CCDC30: variants seen among roughly 807,000 people sequenced by gnomAD.
CCDC30 encodes the protein coiled-coil domain containing 30, also known as coiled-coil domain-containing protein 30.
In CCDC30, 70 loss-of-function variants were observed where a neutral mutation model predicts 100.2. That is an observed-to-expected ratio of 0.70 (90% CI 0.58 to 0.85). The LOEUF (loss-of-function observed/expected upper bound fraction) is 0.85, where lower values mean the gene tolerates loss of function less well. Among genes scored for constraint, CCDC30 ranks in the 40% least tolerant of loss-of-function variants. The pLI, the probability that CCDC30 is intolerant of heterozygous loss-of-function variation, is 0.00. For missense variants in CCDC30, 652 were observed against 771.2 expected (o/e 0.85, Z 1.83); for synonymous variants, 233 against 269.5 (o/e 0.86, Z 1.33).
At chr1:42,547,398 G>A (rs575004716) in intron 6 of CCDC30, among the ~76,000 whole-genome samples, 1 of 152,254 alleles carries the variant, frequency 6.6e-6, no homozygotes, top group Admixed American at 6.5e-5. Flanking sequence ...TTGAGTAAGT[G>A]GCAATGAAGA....
intron 15 of CCDC30, among the ~76,000 whole-genome samples, chr1:42,650,483 C>A: frequency 7.7e-6 from 1 of 130,554 alleles, no homozygotes. Context: ...AAGACCCTGT[C>A]TAAAAAAATA....
chr1:42,566,495 G>T lies in CCDC30; in HGVS notation c.636+20G>T, dbSNP rs1375634980. ...ATTAAGGTAACTCTTGTGGGCAAATGCTTTATGGAAGGGTTTCAGTTGGCC... is the reference window on the plus strand; with the variant it reads ...ATTAAGGTAACTCTTGTGGGCAAATTCTTTATGGAAGGGTTTCAGTTGGCC... On this transcript the variant is annotated intron_variant, in intron 7 of 16. Coordinates refer to ENST00000668663, the Ensembl canonical transcript of CCDC30. 3 of 1,601,094 alleles carry T rather than the reference G, an allele frequency of 1.9e-6. No individual in the cohort carries two copies. The highest frequency in any genetic ancestry group is 1.3e-5 in the African/African-American group (1 of 74,624).
rs377055816 is a variant in CCDC30 at position 42,637,422 on chromosome 1, T to C, written c.1419+44T>C. Reference sequence around the variant, plus strand: ...GTGAAGAGCTCACTGGTGATTCCCATGGTCAGCCATTTGGAGAAAGCCTTT... The same window carrying C: ...GTGAAGAGCTCACTGGTGATTCCCACGGTCAGCCATTTGGAGAAAGCCTTT... On this transcript the variant is annotated intron_variant, in intron 12 of 16. Coordinates refer to ENST00000668663, the Ensembl canonical transcript of CCDC30. 1.0e-5 allele frequency: 16 copies of C among 1,574,002 alleles called. No individual in the cohort carries two copies. The African/African-American group carries it at 2.2e-4, about 22-fold the overall frequency.
chr1:42,611,564 A>C (rs1213421780), intron 11 of CCDC30, among the ~76,000 whole-genome samples: 1 of 152,174 alleles, frequency 6.6e-6, no homozygotes, highest in Non-Finnish European at 1.5e-5. Flanking sequence ...ATACATACAT[A>C]CATACATACA....
chr1:42,483,515 A>G (rs1409818267), intron 3 of CCDC30, among the ~76,000 whole-genome samples: 1 of 152,168 alleles, frequency 6.6e-6, no homozygotes, highest in Non-Finnish European at 1.5e-5. Flanking sequence ...TTGGTTTTCA[A>G]TACTTGGTAC....
the CCDC30 span, chr1:42,457,347 G>T: frequency 1.4e-5 from 22 of 1,612,192 alleles, no homozygotes; most frequent in South Asian, 2.4e-4. Context: ...GGGGCCCACT[G>T]CAGGTGATGG....
chr1:42,462,228 G>C (rs1557781256), upstream of CCDC30, among the ~76,000 whole-genome samples: 1 of 152,170 alleles, frequency 6.6e-6, no homozygotes, highest in African/African-American at 2.4e-5. Flanking sequence ...GGGTGGGGGA[G>C]AGTGTGTGTG....
intron 11 of CCDC30, among the ~76,000 whole-genome samples, chr1:42,617,766 G>C (rs1294268521): frequency 6.6e-6 from 1 of 152,160 alleles, no homozygotes; most frequent in African/African-American, 2.4e-5. Flanking sequence ...CCTCAACACA[G>C]GGTCTGCAAA....
At chr1:42,456,499 G>A in the CCDC30 span, 53 of 1,414,920 alleles carry the variant, frequency 3.7e-5, no homozygotes, top group South Asian at 7.3e-4. Flanking sequence ...GCGTACACCA[G>A]GTAGGCGAGA....
intron 6 of CCDC30, among the ~76,000 whole-genome samples, chr1:42,515,967 C>T (rs989551353): frequency 2.0e-5 from 3 of 152,144 alleles, no homozygotes; most frequent in Non-Finnish European, 4.4e-5. Context: ...TCAGTGGATA[C>T]TTGGGTGGCT....
At chr1:42,618,488 G>A (rs1646769292) in intron 11 of CCDC30, among the ~76,000 whole-genome samples, 1 of 152,196 alleles carries the variant, frequency 6.6e-6, no homozygotes, top group East Asian at 1.9e-4. Flanking sequence ...CACCTGCTTC[G>A]GCCTCCCAAA....
chr1:42,457,014 C>T, the CCDC30 span: 3 of 1,602,024 alleles, frequency 1.9e-6, no homozygotes, highest in South Asian at 1.1e-5. Flanking sequence ...GTAGAGTTCA[C>T]CACTTTGGCG....
At chr1:42,583,060 CA>C (rs1479011084) in intron 9 of CCDC30, among the ~76,000 whole-genome samples, 2 of 152,252 alleles carry the variant, frequency 1.3e-5, no homozygotes, top group African/African-American at 2.4e-5. Context: ...AATTAGGGCA[CA>C]AAAAAATTAT....
intron 11 of CCDC30, among the ~76,000 whole-genome samples, chr1:42,612,095 C>G (rs1241225122): frequency 6.6e-6 from 1 of 152,114 alleles, no homozygotes; most frequent in African/African-American, 2.4e-5. Context: ...TTTATTATAG[C>G]TTTCATAAAA....
At chr1:42,578,878 A>G (rs1157100251) in intron 8 of CCDC30, among the ~76,000 whole-genome samples, 1 of 152,208 alleles carries the variant, frequency 6.6e-6, no homozygotes, top group African/African-American at 2.4e-5. Context: ...ATTACTGGTA[A>G]TCTGAGTTCT....
intron 6 of CCDC30, among the ~76,000 whole-genome samples, chr1:42,515,066 A>C (rs1204453258): frequency 6.6e-6 from 1 of 152,210 alleles, no homozygotes; most frequent in Non-Finnish European, 1.5e-5. Flanking sequence ...AATCAAATTA[A>C]GATGAGTTAA....
At chr1:42,587,568 C>T (rs1646098396) in intron 9 of CCDC30, among the ~76,000 whole-genome samples, 1 of 152,178 alleles carries the variant, frequency 6.6e-6, no homozygotes, top group African/African-American at 2.4e-5. Context: ...TCTGCACTTA[C>T]ATCCAAGAAA....
At chr1:42,506,506 A>T in intron 6 of CCDC30, among the ~76,000 whole-genome samples, 1 of 152,260 alleles carries the variant, frequency 6.6e-6, no homozygotes, top group East Asian at 1.9e-4. Context: ...AATCTTAATT[A>T]TGATTAATAG....
At chr1:42,580,893 G>C (rs781483936) in intron 8 of CCDC30, 167 of 455,626 alleles carry the variant, frequency 3.7e-4, no homozygotes, top group Non-Finnish European at 6.6e-4. Context: ...GCTGTTGGGA[G>C]TATAAATTGG....
Sources: gnomAD v4.1 joint callset for allele counts (sites outside exome capture counted in the v4.1 genomes callset) on GRCh38, gnomAD v4.1.1 for gene constraint, MANE v1.5 for transcripts, NCBI Gene and HGNC (gene_info 2026-07-23, HGNC 2026-07-21) for gene names.